Variants in IL1RAPL1 observed in about 807,000 individuals in gnomAD.
IL1RAPL1 encodes the protein interleukin-1 receptor accessory protein-like 1.
In IL1RAPL1, 3 loss-of-function variants were observed where a neutral mutation model predicts 48.4. The ratio of observed to expected loss-of-function variants is 0.06; its 90% CI spans 0.03 to 0.16. The LOEUF (loss-of-function observed/expected upper bound fraction) is 0.16. Among genes scored for constraint, IL1RAPL1 ranks in the 10% least tolerant of loss-of-function variants. The pLI is 1.00. For missense variants in IL1RAPL1, 349 were observed against 530.6 expected, an observed-to-expected ratio of 0.66 and a Z score of 3.36; for synonymous variants, 185 against 187.7, an observed-to-expected ratio of 0.99 and a Z score of 0.12.
chrX:29,812,615 A>G, intron 6 of IL1RAPL1, among the ~76,000 whole-genome samples: 1 of 111,477 alleles, frequency 9.0e-6, no homozygotes, highest in East Asian at 2.8e-4. Context: ...GAGATGAGTA[A>G]ATAAAAAAGT....
chrX:29,156,298 G>C (rs73460416), intron 2 of IL1RAPL1, among the ~76,000 whole-genome samples: 3,822 of 111,789 alleles, frequency 0.034, 170 homozygotes, highest in African/African-American at 0.12. Context: ...TGGAGATACT[G>C]TGGTAAATGA....
chrX:28,798,002 G>A (rs764415426), intron 2 of IL1RAPL1, among the ~76,000 whole-genome samples: 1 of 111,491 alleles, frequency 9.0e-6, no homozygotes, highest in South Asian at 3.8e-4. Context: ...GCTTGTGTAG[G>A]GAAATTCCCA....
At chrX:29,892,365 AT>A (rs1406312149) in intron 6 of IL1RAPL1, among the ~76,000 whole-genome samples, 11 of 111,967 alleles carry the variant, frequency 9.8e-5, no homozygotes, top group Non-Finnish European at 1.5e-4. Context: ...ATCTCTGAAA[AT>A]TTTCCATCAT....
At chrX:29,387,416 A>G (rs900616296) in intron 3 of IL1RAPL1, among the ~76,000 whole-genome samples, 1 of 112,245 alleles carries the variant, frequency 8.9e-6, no homozygotes, top group Non-Finnish European at 1.9e-5. Context: ...GGTAAATATT[A>G]TGACCACCTT....
At chrX:29,862,189 A>T (rs973495269) in intron 6 of IL1RAPL1, among the ~76,000 whole-genome samples, 7 of 110,973 alleles carry the variant, frequency 6.3e-5, no homozygotes, top group Non-Finnish European at 1.1e-4. Context: ...GAATAATCTC[A>T]GCATTTGAGA....
intron 2 of IL1RAPL1, among the ~76,000 whole-genome samples, chrX:28,903,424 C>CTTTTTTTTT (rs199661606): frequency 7.0e-5 from 7 of 100,130 alleles, no homozygotes; most frequent in African/African-American, 1.8e-4. Flanking sequence ...TTCTTTCTTT[C>CTTTTTTTTT]TTTTTTTTTT....
chrX:28,668,341 C>T (rs1934905361), intron 1 of IL1RAPL1, among the ~76,000 whole-genome samples: 3 of 111,767 alleles, frequency 2.7e-5, no homozygotes, highest in African/African-American at 9.8e-5. Flanking sequence ...TCTCTGCAAC[C>T]TCTGCCTCCT....
intron 6 of IL1RAPL1, among the ~76,000 whole-genome samples, chrX:29,754,931 T>C (rs1299084269): frequency 8.9e-6 from 1 of 112,721 alleles, no homozygotes; most frequent in Non-Finnish European, 1.9e-5. Context: ...CTTCACAGTG[T>C]CTCATAGATG....
chrX:29,825,549 C>T (rs1930717641), intron 6 of IL1RAPL1, among the ~76,000 whole-genome samples: 2 of 111,518 alleles, frequency 1.8e-5, no homozygotes, highest in African/African-American at 3.3e-5. Flanking sequence ...GCTGCCGCAG[C>T]TCAACAGCGG....
At chrX:29,760,223 T>A (rs764233181) in intron 6 of IL1RAPL1, among the ~76,000 whole-genome samples, 2 of 111,592 alleles carry the variant, frequency 1.8e-5, no homozygotes, top group South Asian at 7.5e-4. Flanking sequence ...CTTATAAAGC[T>A]CTCAAGGTGA....
intron 6 of IL1RAPL1, among the ~76,000 whole-genome samples, chrX:29,786,646 G>A (rs1929506894): frequency 9.0e-6 from 1 of 111,611 alleles, no homozygotes; most frequent in Admixed American, 9.5e-5. Context: ...AGAAGAAGTA[G>A]CAAATAAGCT....
intron 3 of IL1RAPL1, among the ~76,000 whole-genome samples, chrX:29,310,555 T>C (rs775085876): frequency 1.8e-5 from 2 of 111,544 alleles, no homozygotes; most frequent in African/African-American, 3.3e-5. Flanking sequence ...GAGCAATGAA[T>C]AAGAAGTATG....
intron 6 of IL1RAPL1, among the ~76,000 whole-genome samples, chrX:29,698,491 G>C (rs990933410): frequency 1.8e-5 from 2 of 110,015 alleles, no homozygotes; most frequent in African/African-American, 3.3e-5. Flanking sequence ...TTTGTGCATG[G>C]TTTTGTGCAT....
At chrX:28,634,740 T>C (rs1018577414) in intron 1 of IL1RAPL1, among the ~76,000 whole-genome samples, 3 of 111,171 alleles carry the variant, frequency 2.7e-5, no homozygotes, top group African/African-American at 9.8e-5. Flanking sequence ...CGTTTTTCTC[T>C]TACTTTTATT....
chrX:29,267,870 T>C (rs1415206926), intron 2 of IL1RAPL1, among the ~76,000 whole-genome samples: 1 of 111,674 alleles, frequency 9.0e-6, no homozygotes, highest in Non-Finnish European at 1.9e-5. Flanking sequence ...AACCCAGAAA[T>C]TGAATTGAGG....
intron 5 of IL1RAPL1, among the ~76,000 whole-genome samples, chrX:29,453,821 C>T (rs545803195): frequency 8.9e-6 from 1 of 112,255 alleles, no homozygotes; most frequent in South Asian, 3.7e-4. Flanking sequence ...AAAACGTGCA[C>T]TATCTCCCAT....
At chrX:29,385,156 A>G (rs971116525) in intron 3 of IL1RAPL1, among the ~76,000 whole-genome samples, 2 of 112,056 alleles carry the variant, frequency 1.8e-5, no homozygotes, top group African/African-American at 6.5e-5. Flanking sequence ...CCATCATCCA[A>G]AATAGAAATT....
intron 5 of IL1RAPL1, among the ~76,000 whole-genome samples, chrX:29,648,085 A>G (rs2147089657): frequency 8.9e-6 from 1 of 112,400 alleles, no homozygotes; most frequent in African/African-American, 3.2e-5. Context: ...GGGCCAATTC[A>G]GCAAGAGGAT....
intron 3 of IL1RAPL1, among the ~76,000 whole-genome samples, chrX:29,371,256 C>T (rs1318167853): frequency 9.3e-6 from 1 of 107,438 alleles, no homozygotes; most frequent in Non-Finnish European, 1.9e-5. Flanking sequence ...CTCAGCCTCC[C>T]AAGTAGCTGG....
Sources: gnomAD v4.1 joint callset for allele counts (sites outside exome capture counted in the v4.1 genomes callset) on GRCh38, gnomAD v4.1.1 for gene constraint, MANE v1.5 for transcripts, NCBI Gene and HGNC (gene_info 2026-07-23, HGNC 2026-07-21) for gene names.